The following TSPAN9 variants were observed in gnomAD, a reference collection of about 807,000 sequenced individuals.
The protein encoded by TSPAN9 is tetraspanin 9.
TSPAN9 carries 16 observed loss-of-function variants against 31.0 expected under a neutral mutation model. The observed-to-expected ratio is 0.52, with a 90% CI of 0.35 to 0.78. TSPAN9 has a LOEUF of 0.78. Ranked by LOEUF, TSPAN9 falls within the 30% of genes least tolerant of loss-of-function variation. TSPAN9 has a pLI of 0.01. For synonymous variants in TSPAN9, 145 were observed against 121.6 expected, an observed-to-expected ratio of 1.19 and a Z score of -1.27; for missense variants, 272 against 312.5, an observed-to-expected ratio of 0.87 and a Z score of 0.98.
intron 3 of TSPAN9, among the ~76,000 whole-genome samples, chr12:3,225,504 C>G (rs1031675962): frequency 6.6e-6 from 1 of 152,168 alleles, no homozygotes; most frequent in Non-Finnish European, 1.5e-5. Context: ...GAGTCATGCA[C>G]GTGCAGAAGC....
chr12:3,261,530 G>A (rs189997887), intron 3 of TSPAN9, among the ~76,000 whole-genome samples: 4 of 152,268 alleles, frequency 2.6e-5, no homozygotes, highest in Admixed American at 6.5e-5. Flanking sequence ...GGAGAACTGC[G>A]TCTCCAAAGT....
At chr12:3,204,310 A>C (rs1158753850) in intron 3 of TSPAN9, among the ~76,000 whole-genome samples, 1 of 152,186 alleles carries the variant, frequency 6.6e-6, no homozygotes, top group Non-Finnish European at 1.5e-5. Context: ...CCCATGTGGA[A>C]GAGAGGTGCA....
chr12:3,212,978 TGGAGAA>T (rs75975044), intron 3 of TSPAN9, among the ~76,000 whole-genome samples: 5,305 of 150,324 alleles, frequency 0.035, 95 homozygotes, highest in African/African-American at 0.051. Flanking sequence ...GTGGGGAGGG[TGGAGAA>T]GGAGAAGGCA....
At chr12:3,219,119 C>T (rs75112300) in intron 3 of TSPAN9, among the ~76,000 whole-genome samples, 3,111 of 152,260 alleles carry the variant, frequency 0.02, 118 homozygotes, top group African/African-American at 0.07. Flanking sequence ...CGGGGGAGGC[C>T]GGACGGTGTA....
chr12:3,087,959 C>G (rs2098301512), intron 2 of TSPAN9, among the ~76,000 whole-genome samples: 1 of 152,218 alleles, frequency 6.6e-6, no homozygotes, highest in Non-Finnish European at 1.5e-5. Flanking sequence ...GCCCAAAGCT[C>G]TCCGACAAGC....
intron 2 of TSPAN9, among the ~76,000 whole-genome samples, chr12:3,144,977 T>G: frequency 6.6e-6 from 1 of 152,256 alleles, no homozygotes; most frequent in East Asian, 1.9e-4. Context: ...TCTTAGCATT[T>G]AATTGGACTT....
intron 2 of TSPAN9, among the ~76,000 whole-genome samples, chr12:3,160,099 C>T (rs895442203): frequency 2.0e-5 from 3 of 152,208 alleles, no homozygotes; most frequent in African/African-American, 4.8e-5. Context: ...AACCCTCATT[C>T]CTCCCCCAGC....
chr12:3,157,816 T>C (rs1290486252), intron 2 of TSPAN9, among the ~76,000 whole-genome samples: 3 of 152,310 alleles, frequency 2.0e-5, no homozygotes, highest in Admixed American at 2.0e-4. Flanking sequence ...GCACCACCGC[T>C]GTCCAGGACG....
rs138710058 is a variant in TSPAN9, at chr12:3,264,752, G to A, written c.64-13669G>A. On this transcript the variant is annotated intron_variant, in intron 3 of 8. Transcript: ENST00000011898. ...TTTCATTTATAGTTGTGTGCAAGGC[G>A]CCATGCTAGGAAGTTTATTTTCATG... is the stretch of plus-strand genomic sequence containing the variant. Among the ~76,000 whole-genome samples the A allele has an allele frequency of 5.6e-3, 849 of 152,314 alleles. 14 individuals are homozygous for A. The highest frequency in any genetic ancestry group is 0.019 in the African/African-American group (798 of 41,558).
At chr12:3,186,078 G>C (rs374204915) in intron 2 of TSPAN9, among the ~76,000 whole-genome samples, 1 of 152,176 alleles carries the variant, frequency 6.6e-6, no homozygotes, top group Non-Finnish European at 1.5e-5. Context: ...CCAGGTCACA[G>C]ATGTCAGGGC....
rs143116951 is a variant in TSPAN9, at chr12:3,172,855, G to C, written c.-17-28322G>C. 1 of 152,244 alleles carries C rather than the reference G, an allele frequency of 6.6e-6. No individual in the cohort carries two copies. Among genetic ancestry groups the C allele is most frequent in the Non-Finnish European group, 1.5e-5 (1 of 68,054 alleles). 9.4% of individuals were successfully genotyped at this position (152,244 alleles called of 1,614,324 possible). The stretch of plus-strand genomic sequence containing the variant: ...GGCATGGAAAGGTAACTAACCGCAC[G>C]CGGCAGGCGAGTCTATTAAACAGAG... On this transcript the variant is annotated intron_variant, in intron 2 of 8. Coordinates refer to ENST00000011898, the MANE Select transcript of TSPAN9 (RefSeq NM_006675.5). This position sits in a 1 kb window ranked among gnomAD's most constrained non-coding sequence, Gnocchi z 4.8.
rs561614769 is a variant in TSPAN9 at position 3,218,845 on chromosome 12, AC to A, written c.63+17590del. Among the ~76,000 whole-genome samples the A allele has an allele frequency of 2.0e-3, 311 of 152,276 alleles. 1 individual carries two copies. The highest frequency in any genetic ancestry group is 2.0e-3 in the Non-Finnish European group (135 of 68,016). On this transcript the variant is annotated intron_variant, in intron 3 of 8. Coordinates refer to ENST00000011898, the MANE Select transcript of TSPAN9 (RefSeq NM_006675.5). ...GCTGGAATCTGGGTCATTAAAAAAA[AC>A]AACCTGATATTTCTCTTTTTCCTTT...
intron 3 of TSPAN9, among the ~76,000 whole-genome samples, chr12:3,246,277 A>G (rs1051951728): frequency 3.7e-4 from 56 of 152,152 alleles, no homozygotes; most frequent in African/African-American, 1.3e-3. Context: ...GTGCTACCCC[A>G]TGATCTAGTC....
chr12:3,261,161 G>A lies in TSPAN9; in HGVS notation c.64-17260G>A, dbSNP rs570882933. 1.9e-4 allele frequency among the ~76,000 whole-genome samples: 29 copies of A among 152,284 alleles called. 1 individual carries two copies. The highest frequency in any genetic ancestry group is 1.6e-3 in the Admixed American group (25 of 15,306). ...GGCTGCAGGAGATTTGCGGGGATGTGGCCTAAGGATTAGCAGGTGGATGAA... is the reference window on the plus strand; with the variant it reads ...GGCTGCAGGAGATTTGCGGGGATGTAGCCTAAGGATTAGCAGGTGGATGAA... On this transcript the variant is annotated intron_variant, in intron 3 of 8. Transcript: ENST00000011898.
intron 3 of TSPAN9, among the ~76,000 whole-genome samples, chr12:3,223,035 G>A (rs1180820524): frequency 6.6e-6 from 1 of 152,234 alleles, no homozygotes; most frequent in Non-Finnish European, 1.5e-5. Context: ...CAGGAGCCGA[G>A]TGCCTGAGCT....
chr12:3,246,204 C>G (rs1862123083), intron 3 of TSPAN9, among the ~76,000 whole-genome samples: 1 of 151,722 alleles, frequency 6.6e-6, no homozygotes, highest in Non-Finnish European at 1.5e-5. Context: ...GGTGGTGCCA[C>G]ACACTTTCAA....
chr12:3,153,889 T>C (rs1221039249), intron 2 of TSPAN9, among the ~76,000 whole-genome samples: 1 of 151,870 alleles, frequency 6.6e-6, no homozygotes, highest in African/African-American at 2.4e-5. Flanking sequence ...TGTATCTCTG[T>C]CTGTTTCTCT....
At chr12:3,262,064 G>A (rs3782775) in intron 3 of TSPAN9, among the ~76,000 whole-genome samples, 57,427 of 151,952 alleles carry the variant, frequency 0.38, 12,861 homozygotes, top group South Asian at 0.57. Context: ...GCTGGTGCCA[G>A]AAACCTTAAG....
At chr12:3,095,024 G>T (rs1211231460) in intron 2 of TSPAN9, among the ~76,000 whole-genome samples, 1 of 100,786 alleles carries the variant, frequency 9.9e-6, no homozygotes, top group Non-Finnish European at 1.9e-5. Flanking sequence ...GCGGCCTTCC[G>T]CAGTGTTTGT....
Sources: allele counts gnomAD v4.1 joint callset (sites outside exome capture counted in the v4.1 genomes callset), GRCh38; gene constraint gnomAD v4.1.1; non-coding constraint Gnocchi (gnomAD v3.1); transcripts MANE v1.5; gene names NCBI Gene and HGNC (gene_info 2026-07-23, HGNC 2026-07-21).